TVP23C: variants seen among roughly 807,000 people sequenced by gnomAD.
TVP23C encodes the protein Golgi apparatus membrane protein TVP23 homolog C.
Under a neutral mutation model 28.7 loss-of-function variants are expected in TVP23C, and 19 were observed. The observed-to-expected ratio is 0.66, with a 90% CI of 0.46 to 0.97. The LOEUF (loss-of-function observed/expected upper bound fraction) is 0.97. Among genes scored for constraint, TVP23C ranks in the 50% least tolerant of loss-of-function variants. The probability of loss-of-function intolerance (pLI) is 0.00; values close to 1 mark genes in which losing one functional copy is unlikely to be tolerated. For missense variants in TVP23C, 186 were observed against 241.3 expected (o/e 0.77, Z 1.52); for synonymous variants, 68 against 81.7 (o/e 0.83, Z 0.90).
Position 15,508,140 on chromosome 17 carries a change from C to A in TVP23C, c.463-4908G>T, listed in dbSNP as rs540336074. ...CAACCCAGAGGCCAAGCTGCATATGCGTCCCATGGACTGACTGCATCCCTA... is the reference window on the plus strand; with the variant it reads ...CAACCCAGAGGCCAAGCTGCATATGAGTCCCATGGACTGACTGCATCCCTA... On this transcript the variant is annotated intron_variant, in intron 5 of 5. Coordinates refer to the TVP23C transcript ENST00000225576. 9.9e-5 allele frequency among the ~76,000 whole-genome samples: 15 copies of A among 152,276 alleles called. No homozygotes were observed. In the South Asian group the frequency reaches 3.1e-3, roughly 32 times the overall value.
intron 5 of TVP23C, chr17:15,516,346 A>G (rs888955441): frequency 2.6e-5 from 4 of 152,298 alleles, no homozygotes; most frequent in African/African-American, 7.2e-5. Context: ...TGGTTAGTAC[A>G]TTAGTCAGCT....
chr17:15,509,897 G>C (rs1981928171), intron 5 of TVP23C, among the ~76,000 whole-genome samples: 2 of 152,216 alleles, frequency 1.3e-5, no homozygotes, highest in South Asian at 4.1e-4. Context: ...TAAGTTCCTT[G>C]AAGGGAGAAA....
At chr17:15,512,280 G>A (rs1406031316) in intron 5 of TVP23C, among the ~76,000 whole-genome samples, 1 of 152,186 alleles carries the variant, frequency 6.6e-6, no homozygotes, top group Non-Finnish European at 1.5e-5. Flanking sequence ...CAGGATGACA[G>A]GTTTCATTTG....
intron 1 of TVP23C, among the ~76,000 whole-genome samples, chr17:15,559,151 A>G (rs1243334219): frequency 6.8e-6 from 1 of 147,774 alleles, no homozygotes; most frequent in Non-Finnish European, 1.5e-5. Context: ...TTCCTTAAAC[A>G]TGCCAAACTT....
At chr17:15,563,212 C>G (rs959259102) in intron 1 of TVP23C, 138 of 724,772 alleles carry the variant, frequency 1.9e-4, no homozygotes, top group Middle Eastern at 4.2e-4. Flanking sequence ...TCCCCACAGC[C>G]GCAAGAAGTA....
chr17:15,550,120 G>A (rs866072701), intron 3 of TVP23C, among the ~76,000 whole-genome samples: 39 of 151,956 alleles, frequency 2.6e-4, no homozygotes, highest in Middle Eastern at 6.3e-3. Context: ...GACTCAAGTA[G>A]TCCATTATTT....
At chr17:15,506,361 G>A (rs1981740384) in intron 5 of TVP23C, among the ~76,000 whole-genome samples, 1 of 152,040 alleles carries the variant, frequency 6.6e-6, no homozygotes, top group Non-Finnish European at 1.5e-5. Context: ...CAGGGTTTGT[G>A]AGTGCACCAG....
chr17:15,561,630 G>GAATGAATGAATGAATA (rs1350335513), intron 1 of TVP23C, among the ~76,000 whole-genome samples: 5 of 131,602 alleles, frequency 3.8e-5, no homozygotes, highest in African/African-American at 1.4e-4. Context: ...ATGAATGAAT[G>GAATGAATGAATGAATA]AATAAATAAA....
intron 1 of TVP23C, among the ~76,000 whole-genome samples, chr17:15,558,650 G>C (rs236806): frequency 0.18 from 25,562 of 145,998 alleles, 3,648 homozygotes; most frequent in East Asian, 0.49. Context: ...AGGCTGTGCT[G>C]ATGGCATTAA....
intron 5 of TVP23C, among the ~76,000 whole-genome samples, chr17:15,526,015 G>GT (rs1322559795): frequency 6.6e-6 from 1 of 152,216 alleles, no homozygotes; most frequent in African/African-American, 2.4e-5. Context: ...AACACAGCAA[G>GT]TAAGTATGAA....
chr17:15,533,646 C>T (rs1983035579), downstream of TVP23C, among the ~76,000 whole-genome samples: 1 of 152,132 alleles, frequency 6.6e-6, no homozygotes, highest in Admixed American at 6.5e-5. Flanking sequence ...TATCAACACA[C>T]TTTTACACAA....
chr17:15,544,943 A>T (rs1039876990), intron 5 of TVP23C, among the ~76,000 whole-genome samples: 3 of 152,190 alleles, frequency 2.0e-5, no homozygotes, highest in Admixed American at 1.3e-4. Flanking sequence ...ATTGTGTGAA[A>T]ATTCACACAA....
At chr17:15,507,234 C>G in intron 5 of TVP23C, 2 of 734,956 alleles carry the variant, frequency 2.7e-6, no homozygotes, top group South Asian at 2.8e-5. Context: ...GAATGGGAAG[C>G]AGGTGGTCTC....
At chr17:15,546,865 G>A (rs766734573) in intron 4 of TVP23C, among the ~76,000 whole-genome samples, 194 bp downstream of exon 4, 21 of 151,952 alleles carry the variant, frequency 1.4e-4, no homozygotes, top group Non-Finnish European at 2.8e-4. Context: ...GATTCTGTTC[G>A]TATATTGCTT....
intron 5 of TVP23C, among the ~76,000 whole-genome samples, chr17:15,517,743 G>A (rs750184204): frequency 4.6e-5 from 7 of 152,150 alleles, no homozygotes; most frequent in Non-Finnish European, 8.8e-5. Flanking sequence ...AGCCACATCC[G>A]ATAAAGGTAA....
chr17:15,558,782 G>T (rs1984246704), intron 1 of TVP23C, among the ~76,000 whole-genome samples: 2 of 148,326 alleles, frequency 1.3e-5, no homozygotes, highest in Admixed American at 6.8e-5. Flanking sequence ...CTGACCACCA[G>T]AACTTTACAA....
chr17:15,526,686 C>T (rs1982741778), intron 5 of TVP23C, among the ~76,000 whole-genome samples: 1 of 152,108 alleles, frequency 6.6e-6, no homozygotes, highest in African/African-American at 2.4e-5. Context: ...GCGTTGGTTT[C>T]ATTTACATCA....
downstream of TVP23C, among the ~76,000 whole-genome samples, chr17:15,536,106 C>T (rs1983143250): frequency 6.6e-6 from 1 of 152,070 alleles, no homozygotes; most frequent in East Asian, 1.9e-4. Flanking sequence ...AGGAGAATCA[C>T]TTGAACCCAG....
intron 5 of TVP23C, among the ~76,000 whole-genome samples, chr17:15,508,348 C>G (rs1567629562): frequency 1.3e-5 from 2 of 152,148 alleles, no homozygotes; most frequent in Non-Finnish European, 2.9e-5. Context: ...TGGTCTTTGT[C>G]CTGTCCCCAA....
Sources: allele counts gnomAD v4.1 joint callset (sites outside exome capture counted in the v4.1 genomes callset), GRCh38; gene constraint gnomAD v4.1.1; transcripts MANE v1.5; gene names NCBI Gene and HGNC (gene_info 2026-07-23, HGNC 2026-07-21).